Variants in SPRY3 observed in about 807,000 individuals in gnomAD.
SPRY3 encodes the protein protein sprouty homolog 3.
Under a neutral mutation model 20.2 loss-of-function variants are expected in SPRY3, and 15 were observed. The ratio of observed to expected loss-of-function variants is 0.74; its 90% CI spans 0.50 to 1.14. The LOEUF is 1.14. Among genes scored for constraint, SPRY3 ranks in the 50% most tolerant of loss-of-function variants. The pLI is 0.00. For missense variants in SPRY3, 364 were observed against 363.9 expected (o/e 1.00, Z 0.00); for synonymous variants, 143 against 136.5 (o/e 1.05, Z -0.33).
intron 2 of SPRY3, among the ~76,000 whole-genome samples, chrX:155,757,903 C>T (rs1395117105): frequency 6.6e-6 from 1 of 152,176 alleles, no homozygotes; most frequent in Non-Finnish European, 1.5e-5. Flanking sequence ...TATATTTCCT[C>T]CACATCTCAG....
At chrX:155,653,976 T>G (rs1557352723) in intron 1 of SPRY3, among the ~76,000 whole-genome samples, 1 of 111,856 alleles carries the variant, frequency 8.9e-6, no homozygotes, top group Non-Finnish European at 1.9e-5. Context: ...CTGGAAACAA[T>G]GTCAGATCCC....
chrX:155,628,400 C>T (rs1332216816), intron 1 of SPRY3, among the ~76,000 whole-genome samples: 1 of 112,009 alleles, frequency 8.9e-6, no homozygotes, highest in Non-Finnish European at 1.9e-5. Flanking sequence ...AACAGGCAAC[C>T]TAAGAATGTG....
intron 2 of SPRY3, among the ~76,000 whole-genome samples, chrX:155,752,320 T>C (rs1294402787): frequency 6.7e-6 from 1 of 149,298 alleles, no homozygotes; most frequent in African/African-American, 2.5e-5. Context: ...AGATAAGAAA[T>C]ACTAAAAAAA....
chrX:155,708,504 T>C (rs1401350376), intron 2 of SPRY3, among the ~76,000 whole-genome samples: 1 of 151,414 alleles, frequency 6.6e-6, no homozygotes, highest in Non-Finnish European at 1.5e-5. Context: ...TTTGTATTTA[T>C]CTTATATGGC....
At chrX:155,769,549 A>C (rs976772570) in intron 3 of SPRY3, among the ~76,000 whole-genome samples, 1 of 152,194 alleles carries the variant, frequency 6.6e-6, no homozygotes, top group Non-Finnish European at 1.5e-5. Flanking sequence ...TTTTAAAAAA[A>C]AAATCCTACT....
chrX:155,778,542 C>CAA (rs967247313), downstream of SPRY3: 2 of 166,664 alleles, frequency 1.2e-5, no homozygotes, highest in Non-Finnish European at 2.9e-5. Flanking sequence ...TTTTTTTGAA[C>CAA]AAAGTATAAC....
chrX:155,624,429 A>T (rs1163533018), intron 1 of SPRY3, among the ~76,000 whole-genome samples: 1 of 112,024 alleles, frequency 8.9e-6, no homozygotes, highest in Non-Finnish European at 1.9e-5. Context: ...TTAAATATTT[A>T]TACTTTTACC....
At chrX:155,619,560 C>G (rs1557349233) in intron 1 of SPRY3, among the ~76,000 whole-genome samples, 1 of 110,719 alleles carries the variant, frequency 9.0e-6, no homozygotes, top group Non-Finnish European at 1.9e-5. Context: ...TAATCATAGA[C>G]CTAAACGTAA....
chrX:155,716,741 T>G (rs940065529), intron 2 of SPRY3, among the ~76,000 whole-genome samples: 1 of 151,864 alleles, frequency 6.6e-6, no homozygotes, highest in African/African-American at 2.4e-5. Context: ...GAATTGCCCC[T>G]GTGATTGCAC....
At chrX:155,684,784 G>A (rs1456556714) in intron 2 of SPRY3, among the ~76,000 whole-genome samples, 2 of 110,327 alleles carry the variant, frequency 1.8e-5, no homozygotes, top group Non-Finnish European at 3.8e-5. Flanking sequence ...TTTTTTTTTA[G>A]CAATTCTCTG....
At chrX:155,737,797 G>A in intron 2 of SPRY3, among the ~76,000 whole-genome samples, 1 of 152,238 alleles carries the variant, frequency 6.6e-6, no homozygotes, top group East Asian at 1.9e-4. Context: ...CCTGAGGTAA[G>A]TGAGGAGGTG....
chrX:155,626,499 T>A (rs1440866047), intron 1 of SPRY3, among the ~76,000 whole-genome samples: 1 of 111,370 alleles, frequency 9.0e-6, no homozygotes, highest in African/African-American at 3.3e-5. Flanking sequence ...CTGTGAGTAG[T>A]CTTTTCACTG....
At chrX:155,720,170 T>C (rs1244627078) in intron 2 of SPRY3, among the ~76,000 whole-genome samples, 1 of 152,146 alleles carries the variant, frequency 6.6e-6, no homozygotes, top group Non-Finnish European at 1.5e-5. Context: ...ATACTCCTCA[T>C]GGGCCTGTGA....
In SPRY3 at chrX:155,688,879, G is replaced by A. The variant is rs910616673; in HGVS notation, c.-282+31854G>A. ...GTTGTTTCCTTCTCTGTGTCCATGT[G>A]TTCTCGTTGTTCAGCTACCACTTAT... On this transcript the variant is annotated intron_variant, in intron 2 of 3. Coordinates refer to ENST00000675360, the Ensembl canonical transcript of SPRY3. 3.6e-5 allele frequency among the ~76,000 whole-genome samples: 3 copies of A among 83,233 alleles called. 1 individual carries two copies. Among genetic ancestry groups the A allele is most frequent in the African/African-American group, 1.2e-4 (2 of 16,700 alleles). 72.3% of individuals were successfully genotyped at this position (83,233 alleles called of 115,157 possible).
chrX:155,766,017 A>G (rs946772802), intron 2 of SPRY3, among the ~76,000 whole-genome samples: 35 of 152,340 alleles, frequency 2.3e-4, no homozygotes, highest in Non-Finnish European at 2.2e-4. Flanking sequence ...TATTTGTTGA[A>G]TAAGTGTAGA....
chrX:155,660,001 T>C (rs921826817), intron 2 of SPRY3, among the ~76,000 whole-genome samples: 4 of 112,016 alleles, frequency 3.6e-5, no homozygotes, highest in African/African-American at 1.3e-4. Flanking sequence ...AGATTCTTTG[T>C]ATAATTTTTT....
chrX:155,628,194 A>G (rs1316403509), intron 1 of SPRY3, among the ~76,000 whole-genome samples: 1 of 112,052 alleles, frequency 8.9e-6, no homozygotes, highest in Non-Finnish European at 1.9e-5. Context: ...TATTGGGTCA[A>G]ATGGTATTTC....
chrX:155,766,940 AAGG>A (rs1329422914), intron 2 of SPRY3, among the ~76,000 whole-genome samples: 1 of 152,186 alleles, frequency 6.6e-6, no homozygotes, highest in Non-Finnish European at 1.5e-5. Flanking sequence ...CCCTTAAACA[AAGG>A]AGAAGCTCTT....
intron 1 of SPRY3, among the ~76,000 whole-genome samples, chrX:155,649,058 G>T (rs2124543074): frequency 9.0e-6 from 1 of 111,405 alleles, no homozygotes; most frequent in Non-Finnish European, 1.9e-5. Flanking sequence ...ACCTTCCCAA[G>T]ACTAAACCAG....
Sources: allele counts gnomAD v4.1 joint callset (sites outside exome capture counted in the v4.1 genomes callset), GRCh38; gene constraint gnomAD v4.1.1; transcripts MANE v1.5; gene names NCBI Gene and HGNC (gene_info 2026-07-23, HGNC 2026-07-21).